KCNK2: variants seen among roughly 807,000 people sequenced by gnomAD.
KCNK2 encodes potassium two pore domain channel subfamily K member 2.
A neutral mutation model predicts 40.5 loss-of-function variants in KCNK2; 21 were observed. The observed-to-expected ratio is 0.52, with a 90% CI of 0.37 to 0.75. The LOEUF (loss-of-function observed/expected upper bound fraction) is 0.75, where lower values mean the gene tolerates loss of function less well. Ranked by LOEUF, KCNK2 falls within the 30% of genes least tolerant of loss-of-function variation. KCNK2 has a pLI of 0.00. For synonymous variants in KCNK2, 191 were observed against 202.2 expected, an observed-to-expected ratio of 0.94 and a Z score of 0.47; for missense variants, 399 against 531.6, an observed-to-expected ratio of 0.75 and a Z score of 2.45.
At chr1:215,233,684 A>G (rs1477510628) in intron 6 of KCNK2, among the ~76,000 whole-genome samples, 1 of 152,198 alleles carries the variant, frequency 6.6e-6, no homozygotes, top group Non-Finnish European at 1.5e-5. Context: ...TTGTGAAGCA[A>G]ACGAGAGCCT....
At chr1:215,013,587 C>T (rs192355502) in intron 1 of KCNK2, among the ~76,000 whole-genome samples, 2 of 152,250 alleles carry the variant, frequency 1.3e-5, no homozygotes, top group African/African-American at 4.8e-5. Context: ...TCAATTTCTC[C>T]TATTTGGCTA....
At chr1:215,007,029 A>ATATATGTGTGTGTGTGTG (rs1553254668) in intron 1 of KCNK2, among the ~76,000 whole-genome samples, 4 of 68,450 alleles carry the variant, frequency 5.8e-5, no homozygotes, top group Admixed American at 4.4e-4. Flanking sequence ...ATATATATAT[A>ATATATGTGTGTGTGTGTG]TATATATATG....
At chr1:215,157,756 C>A (rs960335626) in intron 3 of KCNK2, among the ~76,000 whole-genome samples, 1 of 152,198 alleles carries the variant, frequency 6.6e-6, no homozygotes, top group African/African-American at 2.4e-5. Flanking sequence ...AAAGCTCAGT[C>A]TACTCTACCG....
intron 1 of KCNK2, among the ~76,000 whole-genome samples, chr1:215,025,624 T>G (rs1463718436): frequency 6.6e-6 from 1 of 152,114 alleles, no homozygotes; most frequent in Non-Finnish European, 1.5e-5. Flanking sequence ...TTTGTCATTA[T>G]TTGCACTACA....
intron 2 of KCNK2, among the ~76,000 whole-genome samples, chr1:215,101,624 G>T (rs1263753975): frequency 2.0e-5 from 3 of 151,940 alleles, no homozygotes; most frequent in East Asian, 3.9e-4. Flanking sequence ...AATTTCAAAA[G>T]AAATAGACAA....
intron 1 of KCNK2, among the ~76,000 whole-genome samples, chr1:215,039,391 C>G (rs1358686689): frequency 6.6e-6 from 1 of 152,156 alleles, no homozygotes; most frequent in Admixed American, 6.6e-5. Flanking sequence ...ATTTCCTTAG[C>G]ACCTCCACTT....
At chr1:215,049,857 T>G (rs886313026) in intron 1 of KCNK2, among the ~76,000 whole-genome samples, 2 of 152,156 alleles carry the variant, frequency 1.3e-5, no homozygotes, top group Non-Finnish European at 2.9e-5. Context: ...GTTCTCAGAA[T>G]CTATGTGTTT....
chr1:215,210,177 ATATG>A (rs1337972101), intron 6 of KCNK2, among the ~76,000 whole-genome samples: 4 of 148,408 alleles, frequency 2.7e-5, no homozygotes, highest in Non-Finnish European at 5.9e-5. Flanking sequence ...GTATGTACAT[ATATG>A]TGTGTGTACA....
chr1:215,174,143 T>A (rs1486079912), intron 5 of KCNK2, among the ~76,000 whole-genome samples: 1 of 152,194 alleles, frequency 6.6e-6, no homozygotes, highest in African/African-American at 2.4e-5. Context: ...GAATTAATTT[T>A]TGTATAAGGT....
intron 1 of KCNK2, among the ~76,000 whole-genome samples, chr1:215,062,965 A>T (rs1658408820): frequency 6.6e-6 from 1 of 152,144 alleles, no homozygotes; most frequent in Admixed American, 6.5e-5. Context: ...TAAGAATGAA[A>T]AGGATAAACT....
Position 215,111,726 on chromosome 1 carries a change from G to C in KCNK2, c.358-12907G>C, listed in dbSNP as rs111708546. On this transcript the variant is annotated intron_variant, in intron 2 of 6. Transcript: ENST00000444842. ...TTTATGAGATAATTCATATGCCTCT[G>C]TTACTTTAGGATCAGTATGCGGAGA... Among the ~76,000 whole-genome samples, 359 of 152,014 alleles carry C rather than the reference G, an allele frequency of 2.4e-3. 1 individual carries two copies. Among genetic ancestry groups the C allele is most frequent in the African/African-American group, 8.3e-3 (343 of 41,380 alleles).
chr1:215,012,421 G>A lies in KCNK2; in HGVS notation c.34+6466G>A, dbSNP rs1053134245. ...TTGAATATCTTTTCATGTGTTATTTGCAATCTGATTATCTTCTTTAGTAAA... is the reference window on the plus strand; with the variant it reads ...TTGAATATCTTTTCATGTGTTATTTACAATCTGATTATCTTCTTTAGTAAA... On this transcript the variant is annotated intron_variant, in intron 1 of 6. Transcript: ENST00000391895. 5.9e-5 allele frequency among the ~76,000 whole-genome samples: 9 copies of A among 151,772 alleles called. 1 individual carries two copies. The highest frequency in any genetic ancestry group is 1.7e-4 in the African/African-American group (7 of 41,436).
At chr1:215,095,710 T>C (rs540717068) in intron 2 of KCNK2, among the ~76,000 whole-genome samples, 1 of 152,154 alleles carries the variant, frequency 6.6e-6, no homozygotes, top group Admixed American at 6.6e-5. Flanking sequence ...AGATTTATGA[T>C]CTGTGCCTCT....
intron 1 of KCNK2, among the ~76,000 whole-genome samples, chr1:215,084,950 T>C (rs908245940): frequency 6.6e-6 from 1 of 152,224 alleles, no homozygotes; most frequent in Admixed American, 6.5e-5. Flanking sequence ...AATATCTTTG[T>C]TTGCAAAGCT....
intron 2 of KCNK2, among the ~76,000 whole-genome samples, chr1:215,100,884 G>A (rs74143657): frequency 0.11 from 16,146 of 152,002 alleles, 2,842 homozygotes; most frequent in African/African-American, 0.36. Flanking sequence ...TAATTGATTT[G>A]CAGTATAGTT....
At chr1:215,013,284 C>T (rs1345088332) in intron 1 of KCNK2, among the ~76,000 whole-genome samples, 1 of 152,134 alleles carries the variant, frequency 6.6e-6, no homozygotes, top group African/African-American at 2.4e-5. Context: ...TACTAAAAAT[C>T]AGTTGACCTG....
At chr1:215,088,540 T>A (rs902700261) in intron 2 of KCNK2, among the ~76,000 whole-genome samples, 5 of 149,930 alleles carry the variant, frequency 3.3e-5, no homozygotes, top group Non-Finnish European at 7.4e-5. Flanking sequence ...TGCATTCTTA[T>A]CACCTGGAGT....
Position 215,203,000 on chromosome 1 carries a change from C to T in KCNK2, c.963+7908C>T, listed in dbSNP as rs567104093. On this transcript the variant is annotated intron_variant, in intron 6 of 6. Coordinates refer to ENST00000444842, the MANE Select transcript of KCNK2 (RefSeq NM_001017425.3). ...CTTCCCATCCTCCCCCATTCTTCTC[C>T]TCCCTCCTTCCCTTCCCTCTTCCTC... Among the ~76,000 whole-genome samples the T allele has an allele frequency of 5.9e-5, 9 of 152,058 alleles. No individual in the cohort carries two copies. In the South Asian group the frequency reaches 1.9e-3, roughly 32 times the overall value.
intron 3 of KCNK2, among the ~76,000 whole-genome samples, chr1:215,125,147 T>C (rs925730428): frequency 6.6e-6 from 1 of 152,192 alleles, no homozygotes; most frequent in African/African-American, 2.4e-5. Context: ...CTTTTCGAAT[T>C]TGTAAATTTT....
Sources: gnomAD v4.1 joint callset for allele counts (sites outside exome capture counted in the v4.1 genomes callset) on GRCh38, gnomAD v4.1.1 for gene constraint, MANE v1.5 for transcripts, NCBI Gene and HGNC (gene_info 2026-07-23, HGNC 2026-07-21) for gene names.